RBM43: variants seen among roughly 807,000 people sequenced by gnomAD.
RBM43 encodes RNA binding motif protein 43.
Under a neutral mutation model 12.4 loss-of-function variants are expected in RBM43, and 12 were observed. The ratio of observed to expected loss-of-function variants is 0.97; its 90% CI spans 0.62 to 1.57. The LOEUF (loss-of-function observed/expected upper bound fraction) is 1.57. Among genes scored for constraint, RBM43 ranks in the 40% most tolerant of loss-of-function variants. The pLI, the probability that RBM43 is intolerant of heterozygous loss-of-function variation, is 0.00. For missense variants in RBM43, 348 were observed against 400.1 expected, an observed-to-expected ratio of 0.87 and a Z score of 1.11; for synonymous variants, 138 against 145.7, an observed-to-expected ratio of 0.95 and a Z score of 0.38.
Position 151,261,330 on chromosome 2 carries a change from C to G in RBM43, c.3+395G>C, listed in dbSNP as rs78911135. ...GCTAATCAGGCCACTTTTGTTCCCC[C>G]CGAGGCGTGGGAGGACAACAGTTAA... On this transcript the variant is annotated intron_variant, in intron 1 of 3. Coordinates refer to ENST00000331426, the MANE Select transcript of RBM43 (RefSeq NM_198557.3). 595 of 1,550,610 alleles carry G rather than the reference C, an allele frequency of 3.8e-4. 6 individuals are homozygous for G. The East Asian group carries it at 0.014, about 37-fold the overall frequency.
intron 1 of RBM43, 152 bp downstream of exon 1, chr2:151,261,547 GCCGGGGTGGACGGCTCTCCGGGGCCC>G: frequency 5.2e-6 from 8 of 1,544,982 alleles, no homozygotes; most frequent in Non-Finnish European, 7.0e-6. Context: ...GAGTTTGCCC[GCCGGGGTGGACGGCTCTCCGGGGCCC>G]CCGGGGTCCC....
chr2:151,250,564 A>ACT lies in RBM43; in HGVS notation c.*340_*341dup, dbSNP rs1367623334. 1 of 153,536 alleles carries ACT rather than the reference A, an allele frequency of 6.5e-6. No individual in the cohort carries two copies. The highest frequency in any genetic ancestry group is 1.8e-4 in the East Asian group (1 of 5,530). The allele number at this position is 153,536 out of a possible 1,614,324, so 9.5% of individuals were successfully genotyped here. ...CAGTGAGCCGAGATCACGCCACTGC[A>ACT]CTCCAGCCTGGACAACAGAGCGAGA... On this transcript the variant is annotated 3_prime_UTR_variant, in exon 4 of 4. Coordinates refer to ENST00000331426, the MANE Select transcript of RBM43 (RefSeq NM_198557.3).
In RBM43 at chr2:151,255,712, G is replaced by A. The variant is rs139002947; in HGVS notation, c.35C>T (p.Ala12Val). The stretch of plus-strand genomic sequence containing the variant: ...AGCAACTACAACCGTTCTTTCAGGA[G>A]CTTTGGATTCCTTGACATTCAAAAC... ...ASVLNVKESK[A>V]PERTVVVAGL... is the part of the protein sequence containing the mutation. The change falls in exon 2 of 4, where the codon GCT becomes GTT. Residue 12 changes from alanine to valine, a missense_variant. Coordinates refer to ENST00000331426, the MANE Select transcript of RBM43 (RefSeq NM_198557.3). 44 of 1,613,670 alleles carry A rather than the reference G, an allele frequency of 2.7e-5. No homozygotes were observed. In the East Asian group the frequency reaches 6.5e-4, roughly 24 times the overall value.
intron 2 of RBM43, among the ~76,000 whole-genome samples, 157 bp downstream of exon 2, chr2:151,255,376 C>A (rs1388909115): frequency 6.6e-6 from 1 of 151,916 alleles, no homozygotes; most frequent in Non-Finnish European, 1.5e-5. Flanking sequence ...TGAGATCATG[C>A]CACCGCACTC....
chr2:151,253,301 T>C (rs1682930286), intron 2 of RBM43, among the ~76,000 whole-genome samples: 1 of 152,180 alleles, frequency 6.6e-6, no homozygotes, highest in African/African-American at 2.4e-5. Context: ...TGCTAACCTG[T>C]ACCCCATCCC....
At chr2:151,256,156 T>A (rs148732464) in intron 1 of RBM43, among the ~76,000 whole-genome samples, 36 of 152,134 alleles carry the variant, frequency 2.4e-4, no homozygotes, top group African/African-American at 8.0e-4. Flanking sequence ...GACACGAGGT[T>A]TCACCATGTT....
Position 151,251,479 on chromosome 2 carries a change from T to C in RBM43, c.501A>G (p.Leu167=). 6.2e-7 allele frequency: 1 copy of C among 1,614,148 alleles called. No homozygotes were observed. The highest frequency in any genetic ancestry group is 8.5e-7 in the Non-Finnish European group (1 of 1,179,986). Residue 167 remains leucine (L), a synonymous_variant, in exon 4 of 4, where the codon CTA becomes CTG. Transcript: ENST00000331426. The stretch of plus-strand genomic sequence containing the variant: ...TTTCTAAGAGAGAACATGCTCTTGC[T>C]AGCAAAGATTCTCTGAGCCTCTTGA... ...LAVKRLRESL[L]ARACSLLEKD... is the part of the protein sequence containing the mutation.
chr2:151,260,052 G>A (rs1362602173), intron 1 of RBM43, among the ~76,000 whole-genome samples: 3 of 151,926 alleles, frequency 2.0e-5, no homozygotes, highest in Admixed American at 6.6e-5. Context: ...TTTTAGTAGA[G>A]ATGGGGTTTC....
rs374889461 is a variant in RBM43, at chr2:151,249,494, C to T, written c.*1412G>A. 1.1e-3 allele frequency: 163 copies of T among 152,136 alleles called. 3 individuals are homozygous for T. The South Asian group carries it at 0.026, about 24-fold the overall frequency. 9.4% of individuals were successfully genotyped at this position (152,136 alleles called of 1,614,324 possible). On this transcript the variant is annotated 3_prime_UTR_variant, in exon 4 of 4. Coordinates refer to ENST00000331426, the MANE Select transcript of RBM43 (RefSeq NM_198557.3). Reference sequence around the variant, plus strand: ...CCGGGTTCACGCCATTCTCCTGCCTCAGCCTCTAGCCTCCCGAGTAGGTGG... The same window carrying T: ...CCGGGTTCACGCCATTCTCCTGCCTTAGCCTCTAGCCTCCCGAGTAGGTGG...
In RBM43 at chr2:151,250,704, T is replaced by C; in HGVS notation, c.*202A>G. 2.1e-6 allele frequency: 1 copy of C among 466,534 alleles called. No homozygotes were observed. Among genetic ancestry groups the C allele is most frequent in the Non-Finnish European group, 3.8e-6 (1 of 266,196 alleles). 28.9% of individuals were successfully genotyped at this position (466,534 alleles called of 1,614,324 possible). A position where few individuals can be genotyped will look rare whatever the true frequency, so the allele number is the denominator to read the frequency against. ...GGCTAAGCCACAGCCTCATTCTTTG[T>C]CAACTGGATAACTTCAGAAAAGTGT... On this transcript the variant is annotated 3_prime_UTR_variant, in exon 4 of 4. Transcript: ENST00000331426.
In RBM43 at chr2:151,251,583, T is replaced by G. The variant is rs761357144; in HGVS notation, c.397A>C (p.Lys133Gln). 6.2e-7 allele frequency: 1 copy of G among 1,613,898 alleles called. No individual in the cohort carries two copies. Among genetic ancestry groups the G allele is most frequent in the Non-Finnish European group, 8.5e-7 (1 of 1,179,868 alleles). ...VTLETLVKDL[K>Q]KKIPSLSFSP... Reference sequence around the variant, plus strand: ...AAGCTTAAACTCGGGATTTTTTTTTTCAGGTCTTTTACCAGAGTTTCTAGA... The same window carrying G: ...AAGCTTAAACTCGGGATTTTTTTTTGCAGGTCTTTTACCAGAGTTTCTAGA... Residue 133 changes from lysine to glutamine, a missense_variant, in exon 4 of 4, where the codon AAA (lysine) becomes CAA (glutamine). Lys to Gln is a moderately conservative substitution (Grantham distance 53). Coordinates refer to ENST00000331426, the MANE Select transcript of RBM43 (RefSeq NM_198557.3).
rs565391514 is a variant in RBM43 at position 151,261,567 on chromosome 2, G to T, written c.3+158C>A. The T allele has an allele frequency of 9.5e-5, 147 of 1,540,498 alleles. No homozygotes were observed. In the Admixed American group the frequency reaches 1.5e-3, roughly 16 times the overall value. On this transcript the variant is annotated intron_variant, in intron 1 of 3. Transcript: ENST00000331426. ...TGCCCGCCGGGGTGGACGGCTCTCC[G>T]GGGCCCCCGGGGTCCCTGGGGCCCC...
At chr2:151,255,965 C>CT (rs1174303741) in intron 1 of RBM43, among the ~76,000 whole-genome samples, 1 of 152,022 alleles carries the variant, frequency 6.6e-6, no homozygotes, top group African/African-American at 2.4e-5. Context: ...TTAAACCCTT[C>CT]TTTTTTTCTT....
In RBM43 at chr2:151,251,500, C is replaced by G; in HGVS notation, c.480G>C (p.Lys160Asn). ...TTGCTAGCAAAGATTCTCTGAGCCT[C>G]TTGACAGCCAGAAATGATCCTTCCA... is the stretch of plus-strand genomic sequence containing the variant. The part of the protein sequence containing the change: ...ISVEGSFLAV[K>N]RLRESLLARA... The change falls in exon 4 of 4, where the codon AAG (lysine) becomes AAC (asparagine). Residue 160 changes from lysine (K) to asparagine (N), a missense_variant. Coordinates refer to ENST00000331426, the MANE Select transcript of RBM43 (RefSeq NM_198557.3). 6.2e-7 allele frequency: 1 copy of G among 1,614,174 alleles called. No homozygotes were observed.
At position 151,256,840 on chromosome 2, in the gene RBM43, CCAACCCCTGG is replaced by C. The variant is rs1230581566; in HGVS notation, c.4-1107_4-1098del. 3.3e-5 allele frequency among the ~76,000 whole-genome samples: 5 copies of C among 152,064 alleles called. No homozygotes were observed. In the East Asian group the frequency reaches 9.6e-4, roughly 29 times the overall value. The stretch of plus-strand genomic sequence containing the variant: ...CTAAATAAATAAATAAACAAACCAA[CCAACCCCTGG>C]CAAGAACATGGGGACTGCAGTGGAG... On this transcript the variant is annotated intron_variant, in intron 1 of 3. Coordinates refer to ENST00000331426, the MANE Select transcript of RBM43 (RefSeq NM_198557.3).
intron 2 of RBM43, 41 bp downstream of exon 2, chr2:151,255,489 TGAA>T (rs753259985): frequency 5.9e-5 from 73 of 1,231,640 alleles, no homozygotes; most frequent in Admixed American, 6.1e-5. Flanking sequence ...TAAATTTTAT[TGAA>T]GAAGTATTTC....
intron 1 of RBM43, among the ~76,000 whole-genome samples, chr2:151,258,526 T>C (rs540177936): frequency 6.7e-6 from 1 of 149,188 alleles, no homozygotes; most frequent in South Asian, 2.1e-4. Context: ...TGAAACCTAG[T>C]CTCTATCAAA....
intron 1 of RBM43, among the ~76,000 whole-genome samples, chr2:151,258,507 C>G (rs1306566345): frequency 6.6e-6 from 1 of 152,000 alleles, no homozygotes; most frequent in East Asian, 1.9e-4. Context: ...ACCAGCCTGG[C>G]CAACATGGTG....
intron 2 of RBM43, among the ~76,000 whole-genome samples, chr2:151,253,542 C>T (rs959444790): frequency 8.5e-5 from 13 of 152,180 alleles, no homozygotes; most frequent in African/African-American, 2.7e-4. Flanking sequence ...AATCCATCAA[C>T]ATGTCCCGAA....
Sources: gnomAD v4.1 joint callset for allele counts (sites outside exome capture counted in the v4.1 genomes callset) on GRCh38, gnomAD v4.1.1 for gene constraint, MANE v1.5 for transcripts, NCBI Gene and HGNC (gene_info 2026-07-23, HGNC 2026-07-21) for gene names.